Variants in CFAP210 observed in about 807,000 individuals in gnomAD.
CFAP210 encodes the protein cilia- and flagella- associated protein 210.
the CFAP210 span, among the ~76,000 whole-genome samples, chr2:169,656,016 G>A: frequency 3.9e-5 from 6 of 152,318 alleles, no homozygotes; most frequent in East Asian, 5.8e-4. Context: ...TCAGCCAGGT[G>A]TAACAAAATT....
the CFAP210 span, among the ~76,000 whole-genome samples, chr2:169,653,400 T>C: frequency 6.6e-6 from 1 of 151,504 alleles, no homozygotes; most frequent in Non-Finnish European, 1.5e-5. Flanking sequence ...TTTGGGTAGG[T>C]GGAGAGCCTT....
the CFAP210 span, chr2:169,694,334 C>G: frequency 1.9e-6 from 3 of 1,613,824 alleles, no homozygotes; most frequent in Non-Finnish European, 2.5e-6. Flanking sequence ...CCATGATGCT[C>G]CTAGATCTGG....
the CFAP210 span, among the ~76,000 whole-genome samples, chr2:169,677,721 G>A: frequency 6.6e-6 from 1 of 152,014 alleles, no homozygotes; most frequent in Admixed American, 6.6e-5. Context: ...AGCAAGTGCA[G>A]TAAGTCAAGA....
the CFAP210 span, chr2:169,662,316 T>C: frequency 6.2e-7 from 1 of 1,604,436 alleles, no homozygotes; most frequent in Non-Finnish European, 8.5e-7. Flanking sequence ...TCTCTTCTCT[T>C]TTCTTTTCTA....
At chr2:169,650,557 G>A in the CFAP210 span, 1 of 1,432,738 alleles carries the variant, frequency 7.0e-7, no homozygotes, top group Non-Finnish European at 9.2e-7. Context: ...AAATCTTCAT[G>A]AACACATGTC....
At chr2:169,692,349 G>A in the CFAP210 span, among the ~76,000 whole-genome samples, 1 of 152,002 alleles carries the variant, frequency 6.6e-6, no homozygotes. Flanking sequence ...AGCTAGTATC[G>A]AGGTGCCAGC....
At chr2:169,678,092 G>A in the CFAP210 span, among the ~76,000 whole-genome samples, 2 of 152,078 alleles carry the variant, frequency 1.3e-5, no homozygotes, top group Non-Finnish European at 2.9e-5. Context: ...TGTAATCCCA[G>A]CACTTTGGGA....
At chr2:169,654,283 C>G in the CFAP210 span, 1 of 1,342,058 alleles carries the variant, frequency 7.5e-7, no homozygotes, top group South Asian at 1.5e-5. Flanking sequence ...CAGTAGCTAA[C>G]AAGAACCTGT....
chr2:169,651,893 T>A, the CFAP210 span, among the ~76,000 whole-genome samples: 4 of 145,946 alleles, frequency 2.7e-5, no homozygotes, highest in East Asian at 7.9e-4. Flanking sequence ...TTTTTTTTTT[T>A]AAGAGACAGG....
the CFAP210 span, among the ~76,000 whole-genome samples, chr2:169,669,262 T>C: frequency 2.6e-5 from 4 of 152,154 alleles, no homozygotes; most frequent in African/African-American, 7.2e-5. Flanking sequence ...AAGATCAGTA[T>C]AATGGAGGCA....
the CFAP210 span, among the ~76,000 whole-genome samples, chr2:169,659,852 T>C: frequency 6.6e-6 from 1 of 152,238 alleles, no homozygotes; most frequent in African/African-American, 2.4e-5. Flanking sequence ...TGTTCAGGTT[T>C]TGGATTTCTT....
At chr2:169,662,313 T>C in the CFAP210 span, 5 of 1,603,602 alleles carry the variant, frequency 3.1e-6, no homozygotes, top group East Asian at 8.9e-5. Flanking sequence ...GCATCTCTTC[T>C]CTTTTCTTTT....
At chr2:169,666,837 TG>T in the CFAP210 span, among the ~76,000 whole-genome samples, 1 of 152,168 alleles carries the variant, frequency 6.6e-6, no homozygotes, top group Non-Finnish European at 1.5e-5. Context: ...GCCATTTGAA[TG>T]GTTTTCACAG....
chr2:169,681,289 T>C, the CFAP210 span: 1 of 1,314,982 alleles, frequency 7.6e-7, no homozygotes, highest in East Asian at 2.5e-5. Flanking sequence ...TTAAGTGATA[T>C]TCGTCTGAGA....
chr2:169,655,672 C>A, the CFAP210 span, among the ~76,000 whole-genome samples: 1 of 152,130 alleles, frequency 6.6e-6, no homozygotes, highest in Non-Finnish European at 1.5e-5. Flanking sequence ...AGCTCAAGGT[C>A]ATATAGCCAG....
chr2:169,646,652 T>A, the CFAP210 span, among the ~76,000 whole-genome samples: 1 of 152,332 alleles, frequency 6.6e-6, no homozygotes, highest in South Asian at 2.1e-4. Context: ...TAAAACCATT[T>A]ACATTATCTA....
At chr2:169,653,056 A>ATATATG in the CFAP210 span, among the ~76,000 whole-genome samples, 34 of 101,990 alleles carry the variant, frequency 3.3e-4, no homozygotes, top group African/African-American at 1.2e-3. Flanking sequence ...ATATATATAT[A>ATATATG]TATATATATA....
chr2:169,685,367 G>A, the CFAP210 span, among the ~76,000 whole-genome samples: 1 of 152,152 alleles, frequency 6.6e-6, no homozygotes, highest in African/African-American at 2.4e-5. Context: ...TAATGAAGTT[G>A]AGCATCATTT....
At chr2:169,656,407 G>GTAGAGGAGGAGGAGGAGGAAT in the CFAP210 span, among the ~76,000 whole-genome samples, 1 of 149,370 alleles carries the variant, frequency 6.7e-6, no homozygotes, top group African/African-American at 2.5e-5. Flanking sequence ...GGAGGATGAA[G>GTAGAGGAGGAGGAGGAGGAAT]TAGAGAAGGA....
Sources: allele counts gnomAD v4.1 joint callset (sites outside exome capture counted in the v4.1 genomes callset), GRCh38; gene constraint gnomAD v4.1.1; transcripts MANE v1.5; gene names NCBI Gene and HGNC (gene_info 2026-07-23, HGNC 2026-07-21).